RNF216: variants seen among roughly 807,000 people sequenced by gnomAD.
The protein encoded by RNF216 is ring finger protein 216, also known as E3 ubiquitin-protein ligase RNF216.
A neutral mutation model predicts 110.8 loss-of-function variants in RNF216; 72 were observed. That is an observed-to-expected ratio of 0.65 (90% CI 0.54 to 0.79). RNF216 has a LOEUF of 0.79. RNF216 is among the 30% of genes least tolerant of loss of function. The pLI is 0.00. For synonymous variants in RNF216, 495 were observed against 407.5 expected, an observed-to-expected ratio of 1.21 and a Z score of -2.59; for missense variants, 1,342 against 1,141.2, an observed-to-expected ratio of 1.18 and a Z score of -2.54.
chr7:5,755,810 G>A (rs1041824977), intron 2 of RNF216, among the ~76,000 whole-genome samples: 68 of 152,240 alleles, frequency 4.5e-4, no homozygotes, highest in African/African-American at 1.6e-3. Context: ...TTCTAGGAGT[G>A]GAAATGCTGA....
chr7:5,765,246 A>C (rs1316070035), intron 1 of RNF216, among the ~76,000 whole-genome samples: 4 of 151,690 alleles, frequency 2.6e-5, no homozygotes. Flanking sequence ...TGGATTGCTT[A>C]AGGTCAGGAG....
intron 5 of RNF216, among the ~76,000 whole-genome samples, chr7:5,732,270 C>T (rs1289670378): frequency 2.0e-5 from 3 of 152,124 alleles, no homozygotes; most frequent in Non-Finnish European, 2.9e-5. Context: ...CAGCAAAAAT[C>T]GCGTCTGTAG....
In RNF216 at chr7:5,641,122, A is replaced by C. The variant is rs375199403; in HGVS notation, c.2382+32T>G. On this transcript the variant is annotated intron_variant, in intron 15 of 16. Transcript: ENST00000389902. ...AAAAATATATTTCTATTTTCTCCCT[A>C]TAAAGCAATAGGCAGCCATGTGTCT... 6.1e-6 allele frequency: 9 copies of C among 1,484,110 alleles called. No homozygotes were observed. The South Asian group carries it at 9.3e-5, about 15-fold the overall frequency. 91.9% of individuals were successfully genotyped at this position (1,484,110 alleles called of 1,614,324 possible). A position where few individuals can be genotyped will look rare whatever the true frequency, so the allele number is the denominator to read the frequency against.
At chr7:5,711,334 T>C (rs1231822438) in intron 13 of RNF216, among the ~76,000 whole-genome samples, 3 of 152,194 alleles carry the variant, frequency 2.0e-5, no homozygotes, top group Non-Finnish European at 4.4e-5. Context: ...GCCACTAAGA[T>C]GCCCAGTTCC....
chr7:5,621,388 T>TCATC lies in RNF216; in HGVS notation c.*1468_*1471dup, dbSNP rs1786350943. On this transcript the variant is annotated 3_prime_UTR_variant, in exon 17 of 17. Transcript: ENST00000389902. ...GGGGACTCAAACTCCCGACCTCAAC[T>TCATC]CATCCGCCCGCCTCGGCCTCCCAAA... 1 of 152,186 alleles carries TCATC rather than the reference T, an allele frequency of 6.6e-6. No individual in the cohort carries two copies. Among genetic ancestry groups the TCATC allele is most frequent in the African/African-American group, 2.4e-5 (1 of 41,414 alleles). 9.4% of individuals were successfully genotyped at this position (152,186 alleles called of 1,614,324 possible).
At chr7:5,695,936 G>T (rs374932674) in intron 13 of RNF216, among the ~76,000 whole-genome samples, 1 of 152,168 alleles carries the variant, frequency 6.6e-6, no homozygotes, top group African/African-American at 2.4e-5. Flanking sequence ...CATGTTTCCC[G>T]TCAGAACGCA....
chr7:5,699,989 T>C (rs751319798), intron 13 of RNF216, among the ~76,000 whole-genome samples: 1 of 152,170 alleles, frequency 6.6e-6, no homozygotes, highest in Non-Finnish European at 1.5e-5. Flanking sequence ...CACAAGAAAT[T>C]CCACCCAACA....
At chr7:5,623,251 G>T in intron 16 of RNF216, 72 bp from the exon 17 acceptor site, 4 of 1,423,920 alleles carry the variant, frequency 2.8e-6, no homozygotes, top group Non-Finnish European at 3.8e-6. Context: ...TGGGACCAGG[G>T]CAGCGACCTC....
intron 8 of RNF216, among the ~76,000 whole-genome samples, chr7:5,722,778 T>C (rs1328419526): frequency 1.3e-5 from 2 of 151,826 alleles, no homozygotes; most frequent in East Asian, 1.9e-4. Flanking sequence ...TCCCAGCACT[T>C]TGGGAGGCCA....
intron 14 of RNF216, among the ~76,000 whole-genome samples, chr7:5,647,949 A>C (rs1788150945): frequency 6.6e-6 from 1 of 152,102 alleles, no homozygotes; most frequent in African/African-American, 2.4e-5. Context: ...AAATCATGTA[A>C]CTTAGGCCAT....
intron 5 of RNF216, among the ~76,000 whole-genome samples, chr7:5,736,688 G>C (rs897179618): frequency 6.7e-6 from 1 of 149,336 alleles, no homozygotes; most frequent in Non-Finnish European, 1.5e-5. Context: ...CGTCTCTGCC[G>C]GGCCACCCAT....
intron 13 of RNF216, among the ~76,000 whole-genome samples, chr7:5,705,772 T>G (rs887399024): frequency 8.6e-5 from 13 of 152,000 alleles, no homozygotes; most frequent in South Asian, 6.2e-4. Flanking sequence ...CCGGGCGTGG[T>G]GGCACATGCA....
intron 1 of RNF216, among the ~76,000 whole-genome samples, chr7:5,780,883 G>C (rs1797047403): frequency 6.6e-6 from 1 of 152,310 alleles, no homozygotes; most frequent in Admixed American, 6.5e-5. Flanking sequence ...AAGTGGCCCA[G>C]AGTCTTGGAT....
At position 5,725,320 on chromosome 7, in the gene RNF216, T is replaced by A. The variant is rs1793683230; in HGVS notation, c.1504+4A>T. 1 of 1,527,232 alleles carries A rather than the reference T, an allele frequency of 6.5e-7. No individual in the cohort carries two copies. Among genetic ancestry groups the A allele is most frequent in the Non-Finnish European group, 9.1e-7 (1 of 1,100,936 alleles). The allele number at this position is 1,527,232 out of a possible 1,614,324, so 94.6% of individuals were successfully genotyped here. The stretch of plus-strand genomic sequence containing the variant: ...CACACTGCCACCAACACAGTTTGCA[T>A]TACCTTGTTCAAACTTGAAATCAAT... On this transcript the variant is annotated splice_donor_region_variant and intron_variant, in intron 8 of 16. Transcript: ENST00000389902.
chr7:5,655,126 C>T (rs1788651704), intron 13 of RNF216, among the ~76,000 whole-genome samples: 1 of 152,180 alleles, frequency 6.6e-6, no homozygotes, highest in Admixed American at 6.5e-5. Flanking sequence ...GGGAAGAAAC[C>T]CCATTTTTGA....
At chr7:5,735,108 T>C (rs1246172795) in intron 5 of RNF216, among the ~76,000 whole-genome samples, 1 of 152,038 alleles carries the variant, frequency 6.6e-6, no homozygotes, top group African/African-American at 2.4e-5. Context: ...ATCACGCCAC[T>C]GCACTCCAGC....
chr7:5,760,570 C>T, intron 2 of RNF216: 1 of 283,082 alleles, frequency 3.5e-6, no homozygotes, highest in East Asian at 1.1e-4. Context: ...ATACATGTTC[C>T]AAAATTCCCC....
Position 5,622,620 on chromosome 7 carries a change from G to A in RNF216, c.*240C>T. 1 of 508,918 alleles carries A rather than the reference G, an allele frequency of 2.0e-6. No individual in the cohort carries two copies. Among genetic ancestry groups the A allele is most frequent in the Non-Finnish European group, 3.5e-6 (1 of 286,938 alleles). 31.5% of individuals were successfully genotyped at this position (508,918 alleles called of 1,614,324 possible). A position where few individuals can be genotyped will look rare whatever the true frequency, so the allele number is the denominator to read the frequency against. The stretch of plus-strand genomic sequence containing the variant: ...CCGTTGGTGGCCTGGGGGATGCGAG[G>A]GGAGGGGCAGTTCACATCGCAGCTC... On this transcript the variant is annotated 3_prime_UTR_variant, in exon 17 of 17. Coordinates refer to ENST00000389902, the MANE Select transcript of RNF216 (RefSeq NM_207111.4).
intron 14 of RNF216, among the ~76,000 whole-genome samples, chr7:5,646,372 C>CCAAAA (rs547423174): frequency 7.5e-4 from 111 of 148,574 alleles, no homozygotes; most frequent in South Asian, 2.8e-3. Flanking sequence ...AGACTCCATC[C>CCAAAA]CAAAACAAAA....
Sources: allele counts gnomAD v4.1 joint callset (sites outside exome capture counted in the v4.1 genomes callset), GRCh38; gene constraint gnomAD v4.1.1; transcripts MANE v1.5; gene names NCBI Gene and HGNC (gene_info 2026-07-23, HGNC 2026-07-21).